Variants in SIGLEC15 observed in about 807,000 individuals in gnomAD.
SIGLEC15 encodes sialic acid binding Ig like lectin 15.
In SIGLEC15, 31 loss-of-function variants were observed where a neutral mutation model predicts 26.2. The ratio of observed to expected loss-of-function variants is 1.18; its 90% CI spans 0.89 to 1.60. The LOEUF (loss-of-function observed/expected upper bound fraction) is 1.60. SIGLEC15 is among the 40% of genes most tolerant of loss of function. The pLI is 0.00. For missense variants in SIGLEC15, 501 were observed against 488.4 expected, an observed-to-expected ratio of 1.03 and a Z score of -0.24; for synonymous variants, 207 against 221.9, an observed-to-expected ratio of 0.93 and a Z score of 0.60.
intron 1 of SIGLEC15, among the ~76,000 whole-genome samples, chr18:45,826,955 C>T (rs554351141): frequency 6.6e-6 from 1 of 152,296 alleles, no homozygotes; most frequent in Non-Finnish European, 1.5e-5. Flanking sequence ...CACTCTGTCA[C>T]CCAGGCTGGA....
At chr18:45,831,519 A>C (rs1335923975) in intron 1 of SIGLEC15, among the ~76,000 whole-genome samples, 1 of 152,194 alleles carries the variant, frequency 6.6e-6, no homozygotes, top group Non-Finnish European at 1.5e-5. Context: ...CCAGACTGTC[A>C]ACCTAACGAG....
At chr18:45,828,574 C>A (rs2048205617) in intron 1 of SIGLEC15, among the ~76,000 whole-genome samples, 1 of 152,182 alleles carries the variant, frequency 6.6e-6, no homozygotes, top group Non-Finnish European at 1.5e-5. Context: ...ATCTTCAGAA[C>A]CCCTTGTGCC....
In SIGLEC15 at chr18:45,840,241, GGTAA is replaced by G. The variant is rs2048314083; in HGVS notation, c.905+3_905+6del. On this transcript the variant is annotated splice_donor_variant and splice_donor_region_variant and intron_variant, in intron 5 of 5. Coordinates refer to ENST00000389474, the MANE Select transcript of SIGLEC15 (RefSeq NM_213602.3). LOFTEE classifies it high-confidence loss of function. ...CTGGACACCCCGGACACCCCACCAC[GGTAA>G]GTGAGCTCCCCGCCTCCACCCTACC... 3.1e-6 allele frequency: 5 copies of G among 1,611,632 alleles called. No homozygotes were observed. The highest frequency in any genetic ancestry group is 4.2e-6 in the Non-Finnish European group (5 of 1,178,944).
intron 1 of SIGLEC15, among the ~76,000 whole-genome samples, chr18:45,831,684 T>A (rs544377457): frequency 6.6e-6 from 1 of 151,900 alleles, no homozygotes; most frequent in Non-Finnish European, 1.5e-5. Flanking sequence ...CAATTATACT[T>A]CAGCTGGTCC....
chr18:45,837,956 C>T, intron 3 of SIGLEC15, 60 bp downstream of exon 3: 1 of 1,420,292 alleles, frequency 7.0e-7, no homozygotes, highest in Non-Finnish European at 9.1e-7. Flanking sequence ...CTGCCCCGCC[C>T]CAAGGGCTAC....
intron 5 of SIGLEC15, 93 bp downstream of exon 5, chr18:45,840,334 A>T: frequency 7.0e-7 from 1 of 1,418,714 alleles, no homozygotes; most frequent in Non-Finnish European, 9.7e-7. Flanking sequence ...TAAATGGCAA[A>T]GGGCTGGGGC....
intron 1 of SIGLEC15, among the ~76,000 whole-genome samples, chr18:45,829,586 G>C (rs2048215487): frequency 6.6e-6 from 1 of 152,226 alleles, no homozygotes; most frequent in African/African-American, 2.4e-5. Flanking sequence ...CCCTCTCCTG[G>C]CCCTCCAGGT....
chr18:45,838,591 C>T (rs1023078674), intron 3 of SIGLEC15, 127 bp from the exon 4 acceptor site: 2 of 1,276,296 alleles, frequency 1.6e-6, no homozygotes, highest in South Asian at 1.6e-5. Context: ...TGTATTGGGA[C>T]GGGGGCAGCC....
chr18:45,842,402 A>G lies in SIGLEC15; in HGVS notation c.*215A>G. 3.5e-6 allele frequency: 2 copies of G among 578,826 alleles called. No homozygotes were observed. The highest frequency in any genetic ancestry group is 6.2e-6 in the Non-Finnish European group (2 of 323,676). 35.9% of individuals were successfully genotyped at this position (578,826 alleles called of 1,614,324 possible). Reference sequence around the variant, plus strand: ...GGAGCTCCCTGATATTTTTGCCAGCATTTCGTAAATGTGCATACGTCTGTG... The same window carrying G: ...GGAGCTCCCTGATATTTTTGCCAGCGTTTCGTAAATGTGCATACGTCTGTG... On this transcript the variant is annotated 3_prime_UTR_variant, in exon 6 of 6. Transcript: ENST00000389474.
intron 1 of SIGLEC15, among the ~76,000 whole-genome samples, chr18:45,826,956 C>T (rs796936318): frequency 3.5e-4 from 54 of 152,270 alleles, no homozygotes; most frequent in African/African-American, 1.3e-3. Context: ...ACTCTGTCAC[C>T]CAGGCTGGAG....
At chr18:45,833,952 A>G (rs1273841172) in intron 1 of SIGLEC15, among the ~76,000 whole-genome samples, 1 of 152,194 alleles carries the variant, frequency 6.6e-6, no homozygotes, top group Non-Finnish European at 1.5e-5. Flanking sequence ...AACATGACAC[A>G]TGACAGAGTA....
chr18:45,840,312 C>A, intron 5 of SIGLEC15, 71 bp downstream of exon 5: 1 of 1,513,584 alleles, frequency 6.6e-7, no homozygotes, highest in South Asian at 1.2e-5. Context: ...GGGGTCCAGG[C>A]AGGAGAAGGA....
intron 1 of SIGLEC15, chr18:45,829,201 C>T (rs1171279652): frequency 6.2e-6 from 6 of 964,482 alleles, no homozygotes; most frequent in Non-Finnish European, 7.4e-6. Context: ...GGGCCACACC[C>T]ACGCCACAGT....
intron 1 of SIGLEC15, chr18:45,829,183 G>A (rs146045146): frequency 1.0e-6 from 1 of 983,518 alleles, no homozygotes; most frequent in East Asian, 1.1e-4. Context: ...CATCAGCTCA[G>A]GTAAGCAGGG....
intron 1 of SIGLEC15, among the ~76,000 whole-genome samples, chr18:45,826,207 G>A (rs891053659): frequency 2.0e-5 from 3 of 152,098 alleles, no homozygotes; most frequent in African/African-American, 7.2e-5. Context: ...GGACAGTGCT[G>A]ATGCATGGGA....
chr18:45,832,168 G>A (rs1051509135), intron 1 of SIGLEC15, among the ~76,000 whole-genome samples: 2 of 152,210 alleles, frequency 1.3e-5, no homozygotes, highest in Non-Finnish European at 2.9e-5. Flanking sequence ...TGTGTTCAGT[G>A]CTCTACATAC....
In SIGLEC15 at chr18:45,840,224, C is replaced by G; in HGVS notation, c.888C>G (p.Thr296=). The G allele has an allele frequency of 6.2e-7, 1 of 1,612,808 alleles. No individual in the cohort carries two copies. Among genetic ancestry groups the G allele is most frequent in the Non-Finnish European group, 8.5e-7 (1 of 1,179,416 alleles). The change falls in exon 5 of 6, where the codon ACC becomes ACG. Residue 296 remains threonine (T), a synonymous_variant. Coordinates refer to ENST00000389474, the MANE Select transcript of SIGLEC15 (RefSeq NM_213602.3). ...TCCCTCCCACAGAGCATCTGGACAC[C>G]CCGGACACCCCACCACGGTAAGTGA... ...AARRRPEHLD[T]PDTPPRSQAQ...
Position 45,837,853 on chromosome 18 carries a change from T to A in SIGLEC15, c.453T>A (p.His151Gln). 6.5e-7 allele frequency: 1 copy of A among 1,539,442 alleles called. No individual in the cohort carries two copies. The highest frequency in any genetic ancestry group is 8.7e-7 in the Non-Finnish European group (1 of 1,153,634). Residue 151 changes from histidine to glutamine, a missense_variant, in exon 3 of 6, where the codon CAT (histidine) becomes CAA (glutamine). By Grantham distance (24) the His-to-Gln change is conservative. Coordinates refer to ENST00000389474, the MANE Select transcript of SIGLEC15 (RefSeq NM_213602.3). ...GCGTCGAGTTCGCCGGCGACGTCCA[T>A]GACCGCTACGAGAGCCGCCACGGCG... The part of the protein sequence containing the change: ...FCRVEFAGDV[H>Q]DRYESRHGVR...
chr18:45,832,706 G>T (rs1039745162), intron 1 of SIGLEC15, among the ~76,000 whole-genome samples: 1 of 152,190 alleles, frequency 6.6e-6, no homozygotes, highest in Non-Finnish European at 1.5e-5. Context: ...TACAGTAAGG[G>T]GCCATGATTC....
Sources: allele counts gnomAD v4.1 joint callset (sites outside exome capture counted in the v4.1 genomes callset), GRCh38; gene constraint gnomAD v4.1.1; transcripts MANE v1.5; gene names NCBI Gene and HGNC (gene_info 2026-07-23, HGNC 2026-07-21).